ZNF385B: variants seen among roughly 807,000 people sequenced by gnomAD.
ZNF385B encodes zinc finger protein 533.
In ZNF385B, 23 loss-of-function variants were observed where a neutral mutation model predicts 39.2. That is an observed-to-expected ratio of 0.59 (90% CI 0.42 to 0.83). The LOEUF (loss-of-function observed/expected upper bound fraction) is 0.83. Ranked by LOEUF, ZNF385B falls within the 40% of genes least tolerant of loss-of-function variation. ZNF385B has a pLI of 0.00. For missense variants in ZNF385B, 552 were observed against 598.9 expected (o/e 0.92, Z 0.82); for synonymous variants, 205 against 222.6 (o/e 0.92, Z 0.70).
intron 3 of ZNF385B, among the ~76,000 whole-genome samples, chr2:179,638,760 A>G (rs3112941): frequency 0.99 from 151,300 of 152,206 alleles, 75,207 homozygotes; most frequent in Middle Eastern, 1. Flanking sequence ...GGATGGGACC[A>G]AGTTAGGGCT....
At chr2:179,606,570 A>G (rs1489924151) in intron 3 of ZNF385B, among the ~76,000 whole-genome samples, 1 of 151,786 alleles carries the variant, frequency 6.6e-6, no homozygotes, top group Non-Finnish European at 1.5e-5. Flanking sequence ...GTTTGGGGAG[A>G]TTTACTATCT....
chr2:179,723,647 G>T (rs115517918), intron 3 of ZNF385B, among the ~76,000 whole-genome samples: 2,917 of 152,128 alleles, frequency 0.019, 35 homozygotes, highest in Non-Finnish European at 0.03. Context: ...AAAAGCAAGA[G>T]AATAATTAAC....
chr2:179,574,757 T>C (rs1423161732), intron 3 of ZNF385B, among the ~76,000 whole-genome samples: 3 of 152,156 alleles, frequency 2.0e-5, no homozygotes, highest in Non-Finnish European at 4.4e-5. Flanking sequence ...AACAACTAAC[T>C]ACTGCCTTCT....
At chr2:179,732,505 G>T (rs16866965) in intron 3 of ZNF385B, among the ~76,000 whole-genome samples, 32,770 of 152,142 alleles carry the variant, frequency 0.22, 4,031 homozygotes, top group East Asian at 0.49. Flanking sequence ...AAGGAAAATA[G>T]CTAGATAATC....
At chr2:179,469,154 C>G (rs1517709) in intron 6 of ZNF385B, among the ~76,000 whole-genome samples, 104,554 of 151,924 alleles carry the variant, frequency 0.69, 36,583 homozygotes, top group East Asian at 0.91. Context: ...CTTTTTGCTT[C>G]TTTCTTAATA....
At position 179,544,879 on chromosome 2, in the gene ZNF385B, G is replaced by T; in HGVS notation, c.389C>A (p.Ser130Tyr). 1.9e-6 allele frequency: 3 copies of T among 1,614,124 alleles called. No individual in the cohort carries two copies. Among genetic ancestry groups the T allele is most frequent in the Non-Finnish European group, 2.5e-6 (3 of 1,179,982 alleles). ...AGCAGAACTACTGTCCACTGGAAAA[G>T]ACATAAATGGTTTGATATCCAGTGA... Reference protein sequence around the residue: ...QPSLDIKPFMSFPVDSSSAVG... With the variant: ...QPSLDIKPFMYFPVDSSSAVG... The change falls in exon 4 of 10, where the codon TCT becomes TAT. Residue 130 changes from serine (S) to tyrosine (Y), a missense_variant. Physicochemically the swap from Ser to Tyr is moderately radical, Grantham distance 144 (BLOSUM62 -2). Transcript: ENST00000410066.
At chr2:179,567,307 G>A (rs1684707133) in intron 3 of ZNF385B, among the ~76,000 whole-genome samples, 1 of 152,072 alleles carries the variant, frequency 6.6e-6, no homozygotes, top group Admixed American at 6.6e-5. Flanking sequence ...AAAGCAGCAG[G>A]CAAACCTAGA....
chr2:179,804,396 C>G (rs1408900549), intron 1 of ZNF385B, among the ~76,000 whole-genome samples: 1 of 152,284 alleles, frequency 6.6e-6, no homozygotes, highest in East Asian at 1.9e-4. Context: ...GTTTCTTACT[C>G]AGAGCCTGAT....
At chr2:179,609,953 G>T (rs886607229) in intron 3 of ZNF385B, among the ~76,000 whole-genome samples, 1 of 152,062 alleles carries the variant, frequency 6.6e-6, no homozygotes, top group African/African-American at 2.4e-5. Context: ...TATATATTCT[G>T]GTTATTAATC....
chr2:179,701,952 A>G (rs1467594424), intron 3 of ZNF385B, among the ~76,000 whole-genome samples: 1 of 152,212 alleles, frequency 6.6e-6, no homozygotes, highest in African/African-American at 2.4e-5. Context: ...CCTCCCAGAG[A>G]TGAATCCTCA....
At chr2:179,590,095 T>C (rs1384466467) in intron 3 of ZNF385B, among the ~76,000 whole-genome samples, 2 of 152,242 alleles carry the variant, frequency 1.3e-5, no homozygotes, top group African/African-American at 4.8e-5. Flanking sequence ...CTAACTTCTC[T>C]GATCTTCTGC....
At chr2:179,556,193 GTGT>G (rs2060893204) in intron 3 of ZNF385B, among the ~76,000 whole-genome samples, 1 of 148,772 alleles carries the variant, frequency 6.7e-6, no homozygotes, top group Non-Finnish European at 1.5e-5. Flanking sequence ...TTACATTTAA[GTGT>G]TGTTAAAAAA....
At chr2:179,682,774 A>AT (rs145340032) in intron 3 of ZNF385B, among the ~76,000 whole-genome samples, 37,268 of 151,998 alleles carry the variant, frequency 0.25, 4,991 homozygotes, top group Admixed American at 0.3. Context: ...ACACACAGAC[A>AT]TTTTTTAAAA....
rs1473949127 is a variant in ZNF385B, at chr2:179,446,635, G to A, written c.851C>T (p.Ala284Val). The A allele has an allele frequency of 1.2e-6, 2 of 1,614,078 alleles. No homozygotes were observed. The highest frequency in any genetic ancestry group is 1.7e-6 in the Non-Finnish European group (2 of 1,180,004). ...ATSPSKSTNG[A>V]PGTVVESEEE... ...TTCTGATTCAACAACAGTACCGGGA[G>A]CTCCATTTGTGCTCTTGGAGGGAGA... The change falls in exon 7 of 10, where the codon GCT (alanine) becomes GTT (valine). Residue 284 changes from alanine to valine, a missense_variant. Transcript: ENST00000410066.
At chr2:179,849,728 T>C (rs1469463442) in intron 1 of ZNF385B, among the ~76,000 whole-genome samples, 2 of 152,242 alleles carry the variant, frequency 1.3e-5, no homozygotes, top group Admixed American at 1.3e-4. Context: ...TACTATCTGC[T>C]AGACACTTGA....
At chr2:179,667,340 T>G (rs1232695484) in intron 3 of ZNF385B, among the ~76,000 whole-genome samples, 2 of 152,208 alleles carry the variant, frequency 1.3e-5, no homozygotes, top group Non-Finnish European at 2.9e-5. Context: ...GTCACTAATA[T>G]TCTGCAGAAA....
chr2:179,461,858 G>A (rs1367054514), intron 6 of ZNF385B, among the ~76,000 whole-genome samples: 1 of 152,138 alleles, frequency 6.6e-6, no homozygotes, highest in Non-Finnish European at 1.5e-5. Context: ...CAGGACCTGT[G>A]AATTTCTAAA....
chr2:179,714,649 T>G (rs954872545), intron 3 of ZNF385B, among the ~76,000 whole-genome samples: 1 of 152,062 alleles, frequency 6.6e-6, no homozygotes, highest in African/African-American at 2.4e-5. Flanking sequence ...TTCATGCTTT[T>G]AAAAAGAATT....
chr2:179,660,918 T>C (rs575061172), intron 3 of ZNF385B, among the ~76,000 whole-genome samples: 1 of 152,348 alleles, frequency 6.6e-6, no homozygotes, highest in South Asian at 2.1e-4. Context: ...ATTTTAGCAA[T>C]TGTTTTTATA....
Sources: gnomAD v4.1 joint callset for allele counts (sites outside exome capture counted in the v4.1 genomes callset) on GRCh38, gnomAD v4.1.1 for gene constraint, MANE v1.5 for transcripts, NCBI Gene and HGNC (gene_info 2026-07-23, HGNC 2026-07-21) for gene names.